RHBDD1: variants seen among roughly 807,000 people sequenced by gnomAD.
The protein encoded by RHBDD1 is rhomboid-related protein 4.
RHBDD1 carries 38 observed loss-of-function variants against 36.3 expected under a neutral mutation model. The ratio of observed to expected loss-of-function variants is 1.05; its 90% CI spans 0.81 to 1.37. The LOEUF (loss-of-function observed/expected upper bound fraction) is 1.37. Ranked by LOEUF, RHBDD1 falls within the 40% of genes most tolerant of loss-of-function variation. The pLI is 0.00. For synonymous variants in RHBDD1, 151 were observed against 136.5 expected (o/e 1.11, Z -0.74); for missense variants, 393 against 377.6 (o/e 1.04, Z -0.34).
At chr2:226,849,956 C>G (rs767569638) in intron 3 of RHBDD1, among the ~76,000 whole-genome samples, 1 of 152,152 alleles carries the variant, frequency 6.6e-6, no homozygotes, top group Admixed American at 6.5e-5. Flanking sequence ...CTTCCCTATT[C>G]CCCAGTCAGT....
chr2:226,828,311 C>T, the RHBDD1 span, among the ~76,000 whole-genome samples: 3 of 152,008 alleles, frequency 2.0e-5, no homozygotes, highest in African/African-American at 7.2e-5. Context: ...TTTTTCGTTG[C>T]TTAATCATTA....
chr2:226,822,018 T>G, the RHBDD1 span, among the ~76,000 whole-genome samples: 1 of 152,202 alleles, frequency 6.6e-6, no homozygotes, highest in African/African-American at 2.4e-5. Flanking sequence ...CAAGGCCACA[T>G]AGCTAGTGGT....
intron 3 of RHBDD1, among the ~76,000 whole-genome samples, chr2:226,856,862 C>G (rs1943378798): frequency 1.3e-5 from 2 of 152,300 alleles, no homozygotes; most frequent in African/African-American, 4.8e-5. Context: ...AACACACTAA[C>G]CCTTCTTTTT....
intron 3 of RHBDD1, among the ~76,000 whole-genome samples, chr2:226,843,870 G>A (rs889527482): frequency 6.6e-6 from 1 of 152,078 alleles, no homozygotes; most frequent in African/African-American, 2.4e-5. Flanking sequence ...TTGTACCCTG[G>A]TAGATAGAAT....
Position 226,867,319 on chromosome 2 carries a change from G to T in RHBDD1, c.566+1G>T, listed in dbSNP as rs1559212229. The T allele has an allele frequency of 6.2e-7, 1 of 1,610,522 alleles. No individual in the cohort carries two copies. The highest frequency in any genetic ancestry group is 8.5e-7 in the Non-Finnish European group (1 of 1,179,166). On this transcript the variant is annotated splice_donor_variant, in intron 5 of 8. Transcript: ENST00000392062. LOFTEE classifies it high-confidence loss of function. ...TGGCTATTCATTTATTCTCACCAGG[G>T]TAAGTGTTTTCTTTTGGGGAATACA...
At chr2:226,805,277 G>A in the RHBDD1 span, among the ~76,000 whole-genome samples, 5 of 152,184 alleles carry the variant, frequency 3.3e-5, no homozygotes, top group Admixed American at 1.3e-4. Flanking sequence ...CAGTGGCGCC[G>A]TCTCGGCTCA....
intron 7 of RHBDD1, among the ~76,000 whole-genome samples, chr2:226,912,370 T>G (rs961347880): frequency 6.6e-6 from 1 of 152,084 alleles, no homozygotes; most frequent in African/African-American, 2.4e-5. Flanking sequence ...TCAAAAGAAA[T>G]GAAACCATAT....
At chr2:226,875,129 T>C (rs964217684) in intron 5 of RHBDD1, among the ~76,000 whole-genome samples, 1 of 152,354 alleles carries the variant, frequency 6.6e-6, no homozygotes, top group Non-Finnish European at 1.5e-5. Flanking sequence ...AGGGGCTGTT[T>C]CTTGTTTACC....
At chr2:226,913,712 A>G in intron 7 of RHBDD1, among the ~76,000 whole-genome samples, 1 of 152,152 alleles carries the variant, frequency 6.6e-6, no homozygotes, top group East Asian at 1.9e-4. Context: ...TTACAATTAC[A>G]GAGAAATTGG....
chr2:226,963,828 A>G (rs1382480722), intron 8 of RHBDD1, among the ~76,000 whole-genome samples: 1 of 152,088 alleles, frequency 6.6e-6, no homozygotes, highest in Admixed American at 6.6e-5. Flanking sequence ...AGAAAATGGA[A>G]TCCACCCCTA....
intron 8 of RHBDD1, among the ~76,000 whole-genome samples, chr2:226,951,565 G>GAGTT (rs1357082584): frequency 6.6e-6 from 1 of 152,152 alleles, no homozygotes; most frequent in East Asian, 1.9e-4. Context: ...CTTCACTGTA[G>GAGTT]AGTTCATGAT....
chr2:226,954,348 G>T (rs1345886458), intron 8 of RHBDD1, among the ~76,000 whole-genome samples: 1 of 152,060 alleles, frequency 6.6e-6, no homozygotes, highest in Non-Finnish European at 1.5e-5. Context: ...AATTTGTGGA[G>T]TACCTACTAT....
At chr2:226,963,389 G>T (rs947799460) in intron 8 of RHBDD1, among the ~76,000 whole-genome samples, 51 of 152,150 alleles carry the variant, frequency 3.4e-4, no homozygotes, top group Admixed American at 2.0e-4. Context: ...AAGTAGAGTT[G>T]TGCTTGGTAG....
intron 8 of RHBDD1, among the ~76,000 whole-genome samples, chr2:226,918,928 C>A (rs188016173): frequency 4.0e-4 from 61 of 152,176 alleles, no homozygotes; most frequent in African/African-American, 1.3e-3. Context: ...TACATTCACA[C>A]CAAAAGTGTA....
intron 8 of RHBDD1, among the ~76,000 whole-genome samples, 187 bp from the exon 9 acceptor site, chr2:226,995,244 T>TA (rs1310723280): frequency 6.6e-6 from 1 of 152,234 alleles, no homozygotes; most frequent in Non-Finnish European, 1.5e-5. Context: ...TGAACCACTC[T>TA]AAAAATATTT....
intron 5 of RHBDD1, among the ~76,000 whole-genome samples, chr2:226,891,331 C>G (rs991661608): frequency 2.6e-5 from 4 of 152,192 alleles, no homozygotes; most frequent in South Asian, 2.1e-4. Context: ...CCACTTGACT[C>G]TCTCCCTAAG....
chr2:226,882,247 TG>T, intron 5 of RHBDD1, among the ~76,000 whole-genome samples: 1 of 151,884 alleles, frequency 6.6e-6, no homozygotes, highest in South Asian at 2.1e-4. Flanking sequence ...CTGGCCAACA[TG>T]GTGAAACCCC....
chr2:226,874,925 T>C (rs1004282880), intron 5 of RHBDD1, among the ~76,000 whole-genome samples: 3 of 152,186 alleles, frequency 2.0e-5, no homozygotes, highest in African/African-American at 7.2e-5. Flanking sequence ...ATTGTCTCCT[T>C]GTGAATTCCT....
At chr2:226,978,369 A>G (rs1353117735) in intron 8 of RHBDD1, among the ~76,000 whole-genome samples, 2 of 152,276 alleles carry the variant, frequency 1.3e-5, no homozygotes, top group East Asian at 3.9e-4. Context: ...GAAAGGTTGG[A>G]TGGTAAAGGG....
Sources: allele counts gnomAD v4.1 joint callset (sites outside exome capture counted in the v4.1 genomes callset), GRCh38; gene constraint gnomAD v4.1.1; transcripts MANE v1.5; gene names NCBI Gene and HGNC (gene_info 2026-07-23, HGNC 2026-07-21).